The following TTC3 variants were observed in gnomAD, a reference collection of about 807,000 sequenced individuals.
TTC3 encodes the protein E3 ubiquitin-protein ligase TTC3.
In TTC3, 180 loss-of-function variants were observed where a neutral mutation model predicts 249.6. The observed-to-expected ratio is 0.72, with a 90% CI of 0.64 to 0.82. The LOEUF (loss-of-function observed/expected upper bound fraction) is 0.82, where lower values mean the gene tolerates loss of function less well. TTC3 is among the 40% of genes least tolerant of loss of function. TTC3 has a pLI of 0.00. For missense variants in TTC3, 2,061 were observed against 2,398.4 expected, an observed-to-expected ratio of 0.86 and a Z score of 2.94; for synonymous variants, 717 against 805.0, an observed-to-expected ratio of 0.89 and a Z score of 1.85.
At chr21:37,094,202 A>G (rs1044936548) in intron 8 of TTC3, 112 bp downstream of exon 8, 4 of 497,358 alleles carry the variant, frequency 8.0e-6, no homozygotes, top group East Asian at 7.1e-5. Context: ...ATTGGATGAC[A>G]TATTTGAGGG....
chr21:37,151,286 A>G (rs758862712), intron 25 of TTC3, among the ~76,000 whole-genome samples: 19 of 152,046 alleles, frequency 1.2e-4, no homozygotes, highest in Non-Finnish European at 2.4e-4. Context: ...ACTATTTTTT[A>G]CCCTGAAATA....
intron 28 of TTC3, chr21:37,157,282 C>A: frequency 1.0e-6 from 1 of 960,768 alleles, no homozygotes; most frequent in Non-Finnish European, 1.5e-6. Context: ...TTTGCAGAAT[C>A]TAGAATGGAT....
chr21:37,175,231 TC>T (rs2082148091), intron 35 of TTC3, among the ~76,000 whole-genome samples: 1 of 114,416 alleles, frequency 8.7e-6, no homozygotes, highest in Admixed American at 1.3e-4. Flanking sequence ...GCCACTGCAC[TC>T]CCGCCTGGAC....
chr21:37,141,700 C>T (rs1035690064), intron 20 of TTC3, among the ~76,000 whole-genome samples: 3 of 152,182 alleles, frequency 2.0e-5, no homozygotes, highest in Admixed American at 6.5e-5. Flanking sequence ...ACCCAGGAGG[C>T]GGAGGTTGCA....
intron 10 of TTC3, among the ~76,000 whole-genome samples, chr21:37,100,518 G>C (rs371021249): frequency 3.0e-5 from 4 of 134,838 alleles, no homozygotes; most frequent in African/African-American, 1.1e-4. Context: ...GCTTCCTTCT[G>C]GTGGCAGTGG....
In TTC3 at chr21:37,089,008, A is replaced by G. The variant is rs1002960193; in HGVS notation, c.426+122A>G. The G allele has an allele frequency of 3.9e-5, 32 of 829,090 alleles. No homozygotes were observed. In the African/African-American group the frequency reaches 4.9e-4, roughly 13 times the overall value. 51.4% of individuals were successfully genotyped at this position (829,090 alleles called of 1,614,324 possible). ...CAGGTAATGGTTTTAGTTTTGGTTA[A>G]CCTGAGATAAATCTGCTGTCCATCA... is the stretch of plus-strand genomic sequence containing the variant. On this transcript the variant is annotated intron_variant, in intron 5 of 45. Transcript: ENST00000355666.
chr21:37,189,048 T>C (rs2083651294), intron 39 of TTC3, among the ~76,000 whole-genome samples: 1 of 151,702 alleles, frequency 6.6e-6, no homozygotes, highest in Non-Finnish European at 1.5e-5. Flanking sequence ...ATAGTTAACT[T>C]TTTATGCACA....
intron 5 of TTC3, among the ~76,000 whole-genome samples, chr21:37,089,536 T>C (rs2072966166): frequency 6.6e-6 from 1 of 152,078 alleles, no homozygotes; most frequent in African/African-American, 2.4e-5. Context: ...ATTTTTGAGA[T>C]GGAGTCACCC....
At position 37,136,939 on chromosome 21, in the gene TTC3, A is replaced by G. The variant is rs534714171; in HGVS notation, c.1578+1425A>G. ...ATGTTCCAAAAATCCTCAGGCCCTT[A>G]AGAATTATGCTAATTCACTCTGCCT... On this transcript the variant is annotated intron_variant, in intron 18 of 45. Transcript: ENST00000355666. Among the ~76,000 whole-genome samples, 4 of 152,352 alleles carry G rather than the reference A, an allele frequency of 2.6e-5. No homozygotes were observed. The East Asian group carries it at 7.7e-4, about 29-fold the overall frequency.
At chr21:37,166,361 G>A (rs577896885) in exon 33 of TTC3, 1 of 1,614,176 alleles carries the variant, frequency 6.2e-7, no homozygotes, top group Non-Finnish European at 8.5e-7. Context: ...AAATGCTGCT[G>A]CCTATTTTGA....
chr21:37,197,409 C>T (rs1457793209), intron 42 of TTC3, among the ~76,000 whole-genome samples, 161 bp from the exon 43 acceptor site: 1 of 151,428 alleles, frequency 6.6e-6, no homozygotes, highest in Admixed American at 6.6e-5. Context: ...AAAAGTTATG[C>T]TTTTTAGATA....
intron 1 of TTC3, chr21:37,086,137 A>G (rs531400796): frequency 1.3e-5 from 2 of 152,360 alleles, no homozygotes; most frequent in East Asian, 3.9e-4. Flanking sequence ...GATATTGTGA[A>G]GTTTTCATAC....
At chr21:37,139,308 A>C (rs564322623) in intron 19 of TTC3, among the ~76,000 whole-genome samples, 2 of 152,158 alleles carry the variant, frequency 1.3e-5, no homozygotes, top group Non-Finnish European at 2.9e-5. Context: ...CTATAACTGC[A>C]TGTAGTCAGT....
intron 8 of TTC3, 24 bp from the exon 9 acceptor site, chr21:37,095,326 T>A (rs767373089): frequency 3.9e-6 from 6 of 1,540,066 alleles, no homozygotes; most frequent in Admixed American, 1.9e-5. Context: ...CATTGATGGG[T>A]CTTCTTTCAC....
chr21:37,158,020 G>A (rs910540477), intron 28 of TTC3: 4 of 530,030 alleles, frequency 7.5e-6, no homozygotes, highest in African/African-American at 6.2e-5. Flanking sequence ...TTGTACGATG[G>A]TGTCACAGAT....
chr21:37,087,898 T>A (rs756621153), intron 3 of TTC3, 23 bp downstream of exon 3: 1 of 1,560,638 alleles, frequency 6.4e-7, no homozygotes, highest in East Asian at 2.3e-5. Context: ...GTATTTTTAA[T>A]GTTAATTTAT....
At chr21:37,086,588 T>C (rs1006081197) in intron 1 of TTC3, 6 of 152,324 alleles carry the variant, frequency 3.9e-5, no homozygotes, top group Non-Finnish European at 8.8e-5. Context: ...TTGCAGTAGT[T>C]GTGAGAGCAT....
At position 37,166,210 on chromosome 21, in the gene TTC3, G is replaced by A. The variant is rs181529451; in HGVS notation, c.3996G>A (p.Pro1332=). The change falls in exon 33 of 46, where the codon CCG becomes CCA. Residue 1332 remains proline (P), a synonymous_variant. Transcript: ENST00000355666. ...AGAGATTTGATATCACCCAGACACC[G>A]CCAGCATACATAAACGTGTTACCAG... is the stretch of plus-strand genomic sequence containing the variant. 27 of 1,613,956 alleles carry A rather than the reference G, an allele frequency of 1.7e-5. 1 individual carries two copies. In the East Asian group the frequency reaches 3.3e-4, roughly 20 times the overall value.
chr21:37,117,895 T>G (rs2035227403), intron 11 of TTC3, among the ~76,000 whole-genome samples: 1 of 151,518 alleles, frequency 6.6e-6, no homozygotes, highest in Non-Finnish European at 1.5e-5. Flanking sequence ...GAGAACTTTG[T>G]GGAGAATACT....
Sources: allele counts gnomAD v4.1 joint callset (sites outside exome capture counted in the v4.1 genomes callset), GRCh38; gene constraint gnomAD v4.1.1; transcripts MANE v1.5; gene names NCBI Gene and HGNC (gene_info 2026-07-23, HGNC 2026-07-21).